The following EXT2 variants were observed in gnomAD, a reference collection of about 807,000 sequenced individuals.
EXT2 encodes the protein exostosin-2.
EXT2 carries 53 observed loss-of-function variants against 81.6 expected under a neutral mutation model. The ratio of observed to expected loss-of-function variants is 0.65; its 90% CI spans 0.52 to 0.82. The LOEUF (loss-of-function observed/expected upper bound fraction) is 0.82, where lower values mean the gene tolerates loss of function less well. EXT2 is among the 40% of genes least tolerant of loss of function. The pLI is 0.00. For synonymous variants in EXT2, 320 were observed against 340.0 expected, an observed-to-expected ratio of 0.94 and a Z score of 0.65; for missense variants, 774 against 910.2, an observed-to-expected ratio of 0.85 and a Z score of 1.93.
rs765662591 is a variant in EXT2, at chr11:44,124,842, G to A, written c.797G>A (p.Arg266Lys). The change falls in exon 5 of 14, where the codon AGA becomes AAA. Residue 266 changes from arginine to lysine, a missense_variant. Transcript: ENST00000533608. ...SSQVGLHPEYREDLEALQVKH... is the reference protein window; with the variant it reads ...SSQVGLHPEYKEDLEALQVKH... ...CAGGTGGGTCTCCATCCTGAGTACA[G>A]AGAGGACCTAGAAGCCCTCCAGGTC... is the stretch of plus-strand genomic sequence containing the variant. 6.2e-7 allele frequency: 1 copy of A among 1,614,036 alleles called. No homozygotes were observed. The highest frequency in any genetic ancestry group is 1.7e-5 in the Admixed American group (1 of 60,012).
In EXT2 at chr11:44,165,033, C is replaced by T. The variant is rs552465506; in HGVS notation, c.1174-6578C>T. Among the ~76,000 whole-genome samples the T allele has an allele frequency of 3.9e-5, 6 of 151,960 alleles. No individual in the cohort carries two copies. In the East Asian group the frequency reaches 1.2e-3, roughly 29 times the overall value. On this transcript the variant is annotated intron_variant, in intron 7 of 13. Transcript: ENST00000533608. ...AGCTGGGACTACAGGCGCCCGCCAC[C>T]ACGCCCGGCTAATTTTTTGTATTTT...
intron 7 of EXT2, among the ~76,000 whole-genome samples, chr11:44,162,357 C>T: frequency 6.6e-6 from 1 of 152,120 alleles, no homozygotes; most frequent in East Asian, 1.9e-4. Context: ...AGGCAGGTCA[C>T]CTGAGGTCAG....
intron 5 of EXT2, among the ~76,000 whole-genome samples, chr11:44,126,095 T>G (rs1288397398): frequency 6.6e-6 from 1 of 152,242 alleles, no homozygotes; most frequent in Non-Finnish European, 1.5e-5. Context: ...AGAAACAGAA[T>G]GTTAGGTAGT....
chr11:44,224,890 C>G (rs1003162506), intron 10 of EXT2, among the ~76,000 whole-genome samples: 1 of 151,948 alleles, frequency 6.6e-6, no homozygotes, highest in East Asian at 1.9e-4. Context: ...TTTTGAAGGC[C>G]CAATAATAGT....
chr11:44,162,832 G>A (rs993727004), intron 7 of EXT2, among the ~76,000 whole-genome samples: 2 of 152,130 alleles, frequency 1.3e-5, no homozygotes, highest in South Asian at 4.2e-4. Flanking sequence ...AGTTGCATGT[G>A]GAGAAGGCAA....
intron 13 of EXT2, among the ~76,000 whole-genome samples, chr11:44,238,146 G>A (rs1955992203): frequency 6.6e-6 from 1 of 152,044 alleles, no homozygotes; most frequent in Non-Finnish European, 1.5e-5. Flanking sequence ...ATTAAACACT[G>A]GAGTGAGTAA....
intron 4 of EXT2, among the ~76,000 whole-genome samples, chr11:44,122,369 C>T (rs1249632834): frequency 1.3e-5 from 2 of 152,110 alleles, no homozygotes; most frequent in Admixed American, 6.5e-5. Flanking sequence ...AAATTTTCCT[C>T]TTGCTTAAAC....
chr11:44,143,607 T>G (rs1441280330), intron 7 of EXT2, among the ~76,000 whole-genome samples: 1 of 152,200 alleles, frequency 6.6e-6, no homozygotes, highest in African/African-American at 2.4e-5. Flanking sequence ...ACAGGGGTCT[T>G]CCCTCGGAAT....
At chr11:44,128,167 A>G (rs936044658) in intron 6 of EXT2, among the ~76,000 whole-genome samples, 3 of 152,092 alleles carry the variant, frequency 2.0e-5, no homozygotes, top group Non-Finnish European at 4.4e-5. Context: ...TTCATCTCAC[A>G]TTGATTGGAA....
At chr11:44,183,896 T>C (rs1432193298) in intron 8 of EXT2, among the ~76,000 whole-genome samples, 1 of 152,230 alleles carries the variant, frequency 6.6e-6, no homozygotes, top group Non-Finnish European at 1.5e-5. Context: ...CTTCATCCAA[T>C]TTTCTGAATT....
At chr11:44,206,270 T>C (rs934687580) in intron 9 of EXT2, among the ~76,000 whole-genome samples, 14 of 152,346 alleles carry the variant, frequency 9.2e-5, no homozygotes, top group African/African-American at 3.1e-4. Context: ...CTTCGGCACA[T>C]GCACTATATT....
Position 44,197,820 on chromosome 11 carries a change from C to A in EXT2, c.1306-9C>A, listed in dbSNP as rs1955473509. On this transcript the variant is annotated splice_polypyrimidine_tract_variant and intron_variant, in intron 8 of 13. Coordinates refer to ENST00000533608, the MANE Select transcript of EXT2 (RefSeq NM_207122.2). The stretch of plus-strand genomic sequence containing the variant: ...CTTTTCTGACCCGTGTTAATCTGTC[C>A]TCTTGTAGAAGTGGGGCAGCGTGAG... 1 of 1,613,720 alleles carries A rather than the reference C, an allele frequency of 6.2e-7. No homozygotes were observed. Among genetic ancestry groups the A allele is most frequent in the African/African-American group, 1.3e-5 (1 of 74,884 alleles).
rs536692561 is a variant in EXT2, at chr11:44,248,968, T to TTTTG, written c.*4701_*4704dup. 4.1e-4 allele frequency among the ~76,000 whole-genome samples: 62 copies of TTTTG among 152,064 alleles called. No individual in the cohort carries two copies. The highest frequency in any genetic ancestry group is 2.3e-3 in the South Asian group (11 of 4,802). On this transcript the variant is annotated 3_prime_UTR_variant, in exon 14 of 14. Coordinates refer to ENST00000533608, the MANE Select transcript of EXT2 (RefSeq NM_207122.2). ...TTGCAACCATTTCAGGGTAGAGTTT[T>TTTTG]TTTGTTTGTTTGTTTGTTTGTTTTT...
At chr11:44,231,695 C>G (rs1355505810) in intron 10 of EXT2, among the ~76,000 whole-genome samples, 1 of 152,162 alleles carries the variant, frequency 6.6e-6, no homozygotes, top group African/African-American at 2.4e-5. Context: ...CAAGGTTAGA[C>G]TAAATTATAC....
chr11:44,110,882 C>G lies in EXT2; in HGVS notation c.626+1599C>G, dbSNP rs956176901. The stretch of plus-strand genomic sequence containing the variant: ...CCTATAGCAGGTAATGAATCACCAT[C>G]TAGTCCTTTATCTTTGCATGTGGGA... On this transcript the variant is annotated intron_variant, in intron 3 of 13. Coordinates refer to ENST00000533608, the MANE Select transcript of EXT2 (RefSeq NM_207122.2). Among the ~76,000 whole-genome samples, 8 of 152,202 alleles carry G rather than the reference C, an allele frequency of 5.3e-5. 1 individual carries two copies. Among genetic ancestry groups the G allele is most frequent in the Admixed American group, 3.9e-4 (6 of 15,280 alleles).
chr11:44,207,460 T>C (rs1044086868), intron 10 of EXT2, among the ~76,000 whole-genome samples: 8 of 152,164 alleles, frequency 5.3e-5, no homozygotes, highest in Non-Finnish European at 1.2e-4. Context: ...GGCTGATGGA[T>C]TAGGCTGGGT....
chr11:44,114,135 A>T (rs754426630), intron 3 of EXT2, 50 bp from the exon 4 acceptor site: 1 of 1,472,518 alleles, frequency 6.8e-7, no homozygotes, highest in African/African-American at 1.4e-5. Flanking sequence ...AGTGTGTATC[A>T]GAATAAAGTC....
intron 7 of EXT2, among the ~76,000 whole-genome samples, chr11:44,157,391 A>G (rs1360742926): frequency 1.3e-5 from 2 of 152,218 alleles, no homozygotes; most frequent in Non-Finnish European, 2.9e-5. Flanking sequence ...TGGGAACCTT[A>G]GGAATCTACT....
intron 12 of EXT2, among the ~76,000 whole-genome samples, chr11:44,234,599 G>GT (rs11418727): frequency 0.79 from 118,136 of 149,312 alleles, 46,925 homozygotes; most frequent in East Asian, 0.95. Context: ...AAGGTAGCTG[G>GT]TTTTTTTTTT....
Sources: gnomAD v4.1 joint callset for allele counts (sites outside exome capture counted in the v4.1 genomes callset) on GRCh38, gnomAD v4.1.1 for gene constraint, MANE v1.5 for transcripts, NCBI Gene and HGNC (gene_info 2026-07-23, HGNC 2026-07-21) for gene names.